Variants in BCAS3 observed in about 807,000 individuals in gnomAD.
BCAS3 encodes the protein BCAS4/BCAS3 fusion.
In BCAS3, 53 loss-of-function variants were observed where a neutral mutation model predicts 116.1. That is an observed-to-expected ratio of 0.46 (90% confidence interval 0.37 to 0.57). The LOEUF is 0.57. BCAS3 is among the 20% of genes least tolerant of loss of function. The pLI is 0.00. For synonymous variants in BCAS3, 391 were observed against 408.2 expected (o/e 0.96, Z 0.51); for missense variants, 917 against 1,165.4 (o/e 0.79, Z 3.10).
At chr17:61,207,934 A>C (rs1485529185) in intron 22 of BCAS3, among the ~76,000 whole-genome samples, 3 of 152,218 alleles carry the variant, frequency 2.0e-5, no homozygotes, top group East Asian at 3.8e-4. Context: ...ATGGCTAAAA[A>C]CATTGGCTTT....
rs191772889 is a variant in BCAS3, at chr17:61,124,379, A to G, written c.2425+39815A>G. Among the ~76,000 whole-genome samples, 67 of 152,204 alleles carry G rather than the reference A, an allele frequency of 4.4e-4. No homozygotes were observed. The highest frequency in any genetic ancestry group is 2.2e-3 in the Admixed American group (33 of 15,282). ...TTGATCTGAATTTGTCAGTCTATAA[A>G]AGTAGGGATTATAATATAACAATGC... On this transcript the variant is annotated intron_variant, in intron 22 of 23. Transcript: ENST00000407086. The surrounding 1 kb of genome is among the most constrained non-coding windows in gnomAD (Gnocchi z 4.6).
chr17:60,769,875 A>G (rs1373496846), intron 6 of BCAS3, among the ~76,000 whole-genome samples: 1 of 151,740 alleles, frequency 6.6e-6, no homozygotes, highest in Admixed American at 6.6e-5. Flanking sequence ...CCCAGGTTCA[A>G]GTGATTCTCC....
intron 14 of BCAS3, among the ~76,000 whole-genome samples, chr17:60,972,240 G>A (rs1412329605): frequency 3.3e-5 from 5 of 151,992 alleles, no homozygotes; most frequent in African/African-American, 9.7e-5. Flanking sequence ...ACATTGAATC[G>A]GACTAAAGGG....
intron 22 of BCAS3, among the ~76,000 whole-genome samples, chr17:61,289,395 C>T (rs986495918): frequency 6.6e-6 from 1 of 152,216 alleles, no homozygotes; most frequent in Non-Finnish European, 1.5e-5. Context: ...GGCTGTTTAC[C>T]TCCACGTACA....
chr17:60,692,826 T>TGGAGGATCGTTTGAACCCAGGAGGC (rs780554446), intron 4 of BCAS3, among the ~76,000 whole-genome samples: 2 of 150,412 alleles, frequency 1.3e-5, no homozygotes, highest in Non-Finnish European at 3.0e-5. Flanking sequence ...ACCCAGGAGG[T>TGGAGGATCGTTTGAACCCAGGAGGC]GGAGGTTACA....
intron 12 of BCAS3, among the ~76,000 whole-genome samples, chr17:60,914,461 A>C (rs1200620195): frequency 6.6e-6 from 1 of 152,222 alleles, no homozygotes; most frequent in Non-Finnish European, 1.5e-5. Flanking sequence ...GGAAGGAAAC[A>C]TACAGGGTGT....
rs892985436 is a variant in BCAS3 at position 61,323,479 on chromosome 17, C to G, written c.2426-44848C>G. ...CTGAACGGACTTAGGATTTGGTTTT[C>G]TACTCTGTGAACTGAAGCTAATTTC... On this transcript the variant is annotated intron_variant, in intron 22 of 23. Coordinates refer to ENST00000407086, the MANE Select transcript of BCAS3 (RefSeq NM_017679.5). This position sits in a 1 kb window ranked among gnomAD's most constrained non-coding sequence, Gnocchi z 4.6. Among the ~76,000 whole-genome samples, 4 of 152,186 alleles carry G rather than the reference C, an allele frequency of 2.6e-5. No homozygotes were observed. Among genetic ancestry groups the G allele is most frequent in the Non-Finnish European group, 5.9e-5 (4 of 68,042 alleles).
rs1175348845 is a variant in BCAS3 at position 61,198,323 on chromosome 17, G to A, written c.2425+113759G>A. ...ACCCAGCTAATTTTTTGCATTTTTA[G>A]TAGAGATGGGGTTTCACCGTGTTAG... On this transcript the variant is annotated intron_variant, in intron 22 of 23. Transcript: ENST00000407086. The surrounding 1 kb of genome is among the most constrained non-coding windows in gnomAD (Gnocchi z 5.0). Among the ~76,000 whole-genome samples the A allele has an allele frequency of 6.6e-6, 1 of 151,918 alleles. No individual in the cohort carries two copies. The highest frequency in any genetic ancestry group is 1.5e-5 in the Non-Finnish European group (1 of 68,000).
chr17:61,128,373 T>C lies in BCAS3; in HGVS notation c.2425+43809T>C, dbSNP rs1040362716. On this transcript the variant is annotated intron_variant, in intron 22 of 23. Transcript: ENST00000407086. This position sits in a 1 kb window ranked among gnomAD's most constrained non-coding sequence, Gnocchi z 4.1. ...TTCTTATTTGTTTGATGTACAGGCT[T>C]ATTTAAGTGAAAGGTGGGACACCAG... is the stretch of plus-strand genomic sequence containing the variant. 8 of 985,446 alleles carry C rather than the reference T, an allele frequency of 8.1e-6. No individual in the cohort carries two copies. Among genetic ancestry groups the C allele is most frequent in the Non-Finnish European group, 9.6e-6 (8 of 829,936 alleles). 61.0% of individuals were successfully genotyped at this position (985,446 alleles called of 1,614,324 possible). A position where few individuals can be genotyped will look rare whatever the true frequency, so the allele number is the denominator to read the frequency against.
chr17:60,690,561 C>T (rs2034672506), intron 4 of BCAS3, among the ~76,000 whole-genome samples: 1 of 149,928 alleles, frequency 6.7e-6, no homozygotes, highest in African/African-American at 2.5e-5. Flanking sequence ...TGGAGTGCAA[C>T]CCTGTCTAAA....
chr17:61,245,758 AC>A (rs1385048455), intron 22 of BCAS3, among the ~76,000 whole-genome samples: 3 of 152,162 alleles, frequency 2.0e-5, no homozygotes, highest in Non-Finnish European at 4.4e-5. Flanking sequence ...CTAAGGGAGC[AC>A]CTACATTTAG....
At chr17:60,949,405 A>T (rs1441102439) in intron 14 of BCAS3, among the ~76,000 whole-genome samples, 1 of 151,172 alleles carries the variant, frequency 6.6e-6, no homozygotes, top group Non-Finnish European at 1.5e-5. Context: ...CTACAGGTGC[A>T]TGCCACCACA....
At chr17:61,072,907 T>A (rs1184950566) in intron 19 of BCAS3, among the ~76,000 whole-genome samples, 1 of 152,120 alleles carries the variant, frequency 6.6e-6, no homozygotes, top group Non-Finnish European at 1.5e-5. Flanking sequence ...TTACCTCACC[T>A]CTTTAAAATC....
intron 22 of BCAS3, among the ~76,000 whole-genome samples, chr17:61,091,028 G>T (rs2073517784): frequency 6.6e-6 from 1 of 152,134 alleles, no homozygotes; most frequent in South Asian, 2.1e-4. Flanking sequence ...TTTTAGTTCA[G>T]CACAATTAAG....
Position 61,363,213 on chromosome 17 carries a change from C to T in BCAS3, c.2426-5114C>T, listed in dbSNP as rs73993473. Among the ~76,000 whole-genome samples, 1,028 of 152,282 alleles carry T rather than the reference C, an allele frequency of 6.8e-3. 11 individuals carry two copies. The highest frequency in any genetic ancestry group is 0.024 in the African/African-American group (987 of 41,538). On this transcript the variant is annotated intron_variant, in intron 22 of 23. Coordinates refer to ENST00000407086, the MANE Select transcript of BCAS3 (RefSeq NM_017679.5). This position sits in a 1 kb window ranked among gnomAD's most constrained non-coding sequence, Gnocchi z 4.9. Reference sequence around the variant, plus strand: ...CATCCATAGATGCCCCAAAATTGCCCGCATAATTTTATGTATGCAAGCACA... The same window carrying T: ...CATCCATAGATGCCCCAAAATTGCCTGCATAATTTTATGTATGCAAGCACA...
chr17:60,734,620 G>A (rs2040787436), intron 5 of BCAS3, among the ~76,000 whole-genome samples: 1 of 152,144 alleles, frequency 6.6e-6, no homozygotes, highest in Admixed American at 6.5e-5. Context: ...GTGCTATTAT[G>A]TCAAAGATCA....
chr17:61,335,551 C>G (rs1364023925), intron 22 of BCAS3, among the ~76,000 whole-genome samples: 1 of 152,106 alleles, frequency 6.6e-6, no homozygotes, highest in South Asian at 2.1e-4. Context: ...GCATCCACTC[C>G]CTAGGACTGT....
chr17:61,133,890 C>CA (rs1225961722), intron 22 of BCAS3, among the ~76,000 whole-genome samples: 4 of 143,280 alleles, frequency 2.8e-5, no homozygotes, highest in African/African-American at 7.6e-5. Flanking sequence ...AAAGGAAACC[C>CA]AAAAAACCAT....
intron 7 of BCAS3, among the ~76,000 whole-genome samples, chr17:60,862,085 C>T (rs764892632): frequency 5.9e-5 from 9 of 152,132 alleles, no homozygotes; most frequent in Non-Finnish European, 8.8e-5. Context: ...AGATTGAGAC[C>T]GTCCTGGCTA....
Sources: allele counts gnomAD v4.1 joint callset (sites outside exome capture counted in the v4.1 genomes callset), GRCh38; gene constraint gnomAD v4.1.1; non-coding constraint Gnocchi (gnomAD v3.1); transcripts MANE v1.5; gene names NCBI Gene and HGNC (gene_info 2026-07-23, HGNC 2026-07-21).